PTK2: variants seen among roughly 807,000 people sequenced by gnomAD.
PTK2 encodes the protein focal adhesion kinase 1.
A neutral mutation model predicts 150.1 loss-of-function variants in PTK2; 45 were observed. The observed-to-expected ratio is 0.30, with a 90% CI of 0.24 to 0.38. The LOEUF is 0.38. PTK2 is among the 10% of genes least tolerant of loss of function. The pLI is 1.00. For missense variants in PTK2, 919 were observed against 1,307.3 expected, an observed-to-expected ratio of 0.70 and a Z score of 4.58; for synonymous variants, 432 against 449.2, an observed-to-expected ratio of 0.96 and a Z score of 0.48.
At chr8:140,912,078 A>G (rs2100163392) in intron 2 of PTK2, among the ~76,000 whole-genome samples, 1 of 151,998 alleles carries the variant, frequency 6.6e-6, no homozygotes, top group Non-Finnish European at 1.5e-5. Flanking sequence ...ACAAAGAAAT[A>G]ACCAAAATTT....
chr8:140,706,963 C>T (rs1429696095), intron 23 of PTK2, among the ~76,000 whole-genome samples: 1 of 152,188 alleles, frequency 6.6e-6, no homozygotes, highest in East Asian at 1.9e-4. Context: ...TGTCCGTCAA[C>T]TGATATAACT....
rs567822936 is a variant in PTK2, at chr8:140,716,614, G to C, written c.2142+984C>G. On this transcript the variant is annotated intron_variant, in intron 23 of 31. Coordinates refer to ENST00000522684, the Ensembl canonical transcript of PTK2. ...CGTTTACTGTTACAGAGCTCAAAAT[G>C]ATGACCAAGAAAGTAAAAGTTTTCA... Among the ~76,000 whole-genome samples, 8 of 152,278 alleles carry C rather than the reference G, an allele frequency of 5.3e-5. No individual in the cohort carries two copies. In the South Asian group the frequency reaches 1.0e-3, roughly 20 times the overall value.
intron 2 of PTK2, chr8:140,920,764 C>A (rs2100167086): frequency 1.5e-6 from 2 of 1,369,318 alleles, no homozygotes. Context: ...CTTTTCGGTG[C>A]AAAAGCATGA....
chr8:140,857,663 A>G (rs1374901115), intron 5 of PTK2, among the ~76,000 whole-genome samples: 2 of 152,220 alleles, frequency 1.3e-5, no homozygotes, highest in Non-Finnish European at 2.9e-5. Context: ...AACAGAGGAC[A>G]TGTATGCTCT....
intron 1 of PTK2, among the ~76,000 whole-genome samples, chr8:140,994,755 CCT>C (rs772758289): frequency 6.6e-6 from 1 of 152,282 alleles, no homozygotes; most frequent in South Asian, 2.1e-4. Flanking sequence ...TTACTGGGCC[CCT>C]GTCTCTTCTG....
chr8:140,860,711 T>G (rs2100135558), intron 5 of PTK2, among the ~76,000 whole-genome samples: 1 of 152,190 alleles, frequency 6.6e-6, no homozygotes, highest in Admixed American at 6.5e-5. Flanking sequence ...TGACCTCAGG[T>G]GATCCACCCG....
intron 17 of PTK2, among the ~76,000 whole-genome samples, chr8:140,748,250 T>G (rs28454548): frequency 0.022 from 3,396 of 152,202 alleles, 134 homozygotes; most frequent in African/African-American, 0.079. Flanking sequence ...TCCCAGCACT[T>G]TGGGAGGCCG....
At chr8:140,921,605 G>C (rs188822032) in intron 2 of PTK2, among the ~76,000 whole-genome samples, 87 of 152,124 alleles carry the variant, frequency 5.7e-4, no homozygotes, top group South Asian at 1.2e-3. Context: ...ATTTTTCCTG[G>C]TTGGTACTGT....
chr8:140,830,664 T>A (rs779271940), intron 7 of PTK2, 138 bp from the exon 8 acceptor site: 1 of 542,436 alleles, frequency 1.8e-6, no homozygotes, highest in Non-Finnish European at 3.2e-6. Flanking sequence ...ATAATAATGC[T>A]TTAATTTACC....
chr8:140,858,962 C>T (rs1599012463), intron 5 of PTK2, among the ~76,000 whole-genome samples: 1 of 152,338 alleles, frequency 6.6e-6, no homozygotes, highest in African/African-American at 2.4e-5. Context: ...CGGATGATCA[C>T]TTTTCCATTT....
At chr8:140,914,401 TAAAG>T (rs2100164366) in intron 2 of PTK2, among the ~76,000 whole-genome samples, 1 of 147,452 alleles carries the variant, frequency 6.8e-6, no homozygotes, top group Non-Finnish European at 1.5e-5. Context: ...CACTAACCCT[TAAAG>T]AACCAAGTTT....
At chr8:140,770,687 G>A (rs759244143) in intron 14 of PTK2, 29 bp downstream of exon 15, 1 of 1,201,654 alleles carries the variant, frequency 8.3e-7, no homozygotes, top group East Asian at 4.4e-5. Flanking sequence ...TGGTTAATAG[G>A]AGAGCCTGTG....
At chr8:140,799,123 G>A (rs2100093461) in intron 12 of PTK2, 1 of 152,230 alleles carries the variant, frequency 6.6e-6, no homozygotes, top group African/African-American at 2.4e-5. Flanking sequence ...TTCAGCTGCT[G>A]TTTTCAGGGC....
intron 18 of PTK2, among the ~76,000 whole-genome samples, chr8:140,745,421 A>G (rs773256153): frequency 2.6e-5 from 4 of 152,222 alleles, no homozygotes; most frequent in African/African-American, 9.6e-5. Flanking sequence ...ATATTTAGCC[A>G]TATTTTTTGA....
intron 24 of PTK2, among the ~76,000 whole-genome samples, chr8:140,705,487 G>C (rs2100033177): frequency 1.3e-5 from 2 of 152,182 alleles, no homozygotes; most frequent in Admixed American, 1.3e-4. Context: ...CTGATGGGAA[G>C]GGGCACAAAG....
chr8:140,846,993 A>G (rs998007966), intron 5 of PTK2, among the ~76,000 whole-genome samples: 4 of 152,224 alleles, frequency 2.6e-5, no homozygotes, highest in Non-Finnish European at 1.5e-5. Context: ...TTAAAGAAAT[A>G]AAATGGTCTC....
At chr8:140,920,469 CCT>C (rs1336033846) in intron 2 of PTK2, among the ~76,000 whole-genome samples, 1 of 151,962 alleles carries the variant, frequency 6.6e-6, no homozygotes, top group Non-Finnish European at 1.5e-5. Context: ...TTCCTACAAC[CCT>C]GTTTAAGTTA....
At chr8:140,925,685 C>A in exon 2 of PTK2, 1 of 985,198 alleles carries the variant, frequency 1.0e-6, no homozygotes, top group Non-Finnish European at 1.2e-6. Flanking sequence ...TCTTGAGGAG[C>A]TCTGGGGAAA....
intron 27 of PTK2, among the ~76,000 whole-genome samples, chr8:140,682,697 G>GA (rs2100017749): frequency 6.8e-6 from 1 of 147,168 alleles, no homozygotes; most frequent in South Asian, 2.1e-4. Flanking sequence ...AATAAAAACA[G>GA]AATCAGTACT....
Sources: gnomAD v4.1 joint callset for allele counts (sites outside exome capture counted in the v4.1 genomes callset) on GRCh38, gnomAD v4.1.1 for gene constraint, MANE v1.5 for transcripts, NCBI Gene and HGNC (gene_info 2026-07-23, HGNC 2026-07-21) for gene names.